The following EVL variants were observed in gnomAD, a reference collection of about 807,000 sequenced individuals.
EVL encodes the protein Enah/Vasp-like.
In EVL, 21 loss-of-function variants were observed where a neutral mutation model predicts 59.6. The observed-to-expected ratio is 0.35, with a 90% confidence interval of 0.25 to 0.51. The LOEUF is 0.51. EVL is among the 20% of genes least tolerant of loss of function. EVL has a pLI of 0.97. For synonymous variants in EVL, 198 were observed against 203.5 expected, an observed-to-expected ratio of 0.97 and a Z score of 0.23; for missense variants, 462 against 546.6, an observed-to-expected ratio of 0.85 and a Z score of 1.54.
chr14:100,103,084 G>C (rs1470980683), intron 3 of EVL, among the ~76,000 whole-genome samples: 2 of 134,394 alleles, frequency 1.5e-5, no homozygotes, highest in Non-Finnish European at 3.0e-5. Context: ...CCTGGCAACA[G>C]AGCAAGACTC....
intron 1 of EVL, among the ~76,000 whole-genome samples, chr14:100,048,262 T>C (rs2061587512): frequency 6.6e-6 from 1 of 152,196 alleles, no homozygotes; most frequent in Admixed American, 6.5e-5. Flanking sequence ...TACAAAGGGC[T>C]TGTCTTTGGA....
At chr14:100,111,735 G>A (rs1887008855) in intron 3 of EVL, among the ~76,000 whole-genome samples, 1 of 152,178 alleles carries the variant, frequency 6.6e-6, no homozygotes, top group African/African-American at 2.4e-5. Flanking sequence ...TTGGCTCCCT[G>A]AGATTGCAGG....
At chr14:100,004,103 C>T (rs555302014) in intron 1 of EVL, among the ~76,000 whole-genome samples, 1 of 152,310 alleles carries the variant, frequency 6.6e-6, no homozygotes, top group South Asian at 2.1e-4. Context: ...ACTTGGGAGG[C>T]TGAGGCACAA....
intron 1 of EVL, among the ~76,000 whole-genome samples, chr14:100,014,640 A>G (rs2061037981): frequency 6.6e-6 from 1 of 152,242 alleles, no homozygotes; most frequent in African/African-American, 2.4e-5. Context: ...TCTTTGGGGT[A>G]TATATCTAGC....
intron 1 of EVL, among the ~76,000 whole-genome samples, chr14:99,979,869 C>T (rs897486664): frequency 3.3e-5 from 5 of 151,934 alleles, no homozygotes; most frequent in African/African-American, 1.2e-4. Context: ...GACTCCGTCT[C>T]AAAAATAAAT....
At chr14:99,998,793 A>G (rs991275995) in intron 1 of EVL, among the ~76,000 whole-genome samples, 3 of 152,112 alleles carry the variant, frequency 2.0e-5, no homozygotes, top group Admixed American at 6.5e-5. Context: ...ATATCATTTG[A>G]TTCTCACAAA....
intron 1 of EVL, among the ~76,000 whole-genome samples, chr14:99,993,649 A>G (rs1458580814): frequency 1.9e-5 from 2 of 104,914 alleles, no homozygotes; most frequent in South Asian, 5.9e-4. Context: ...CAATTTCTTT[A>G]TTAATTATAA....
At chr14:99,999,892 CCT>C (rs1490474066) in intron 1 of EVL, among the ~76,000 whole-genome samples, 3 of 152,158 alleles carry the variant, frequency 2.0e-5, no homozygotes, top group Non-Finnish European at 2.9e-5. Flanking sequence ...TTGGGGAACC[CCT>C]GTTTTTCTCT....
chr14:100,005,354 T>C (rs1437052649), intron 1 of EVL, among the ~76,000 whole-genome samples: 4 of 152,186 alleles, frequency 2.6e-5, no homozygotes, highest in African/African-American at 9.6e-5. Context: ...TAAATTAATA[T>C]CAATATCTTA....
intron 8 of EVL, among the ~76,000 whole-genome samples, 177 bp downstream of exon 8, chr14:100,132,956 C>T (rs926213456): frequency 1.3e-5 from 2 of 152,230 alleles, no homozygotes; most frequent in African/African-American, 2.4e-5. Context: ...ACCCTGGCCC[C>T]AGCAGCAGGC....
chr14:100,014,236 T>A (rs185906356), intron 1 of EVL, among the ~76,000 whole-genome samples: 17 of 152,352 alleles, frequency 1.1e-4, no homozygotes, highest in Admixed American at 1.3e-4. Flanking sequence ...ACCATCATTC[T>A]ACTCTCTATT....
chr14:100,105,644 C>G (rs1245537364), intron 3 of EVL, among the ~76,000 whole-genome samples: 1 of 151,870 alleles, frequency 6.6e-6, no homozygotes, highest in Non-Finnish European at 1.5e-5. Flanking sequence ...AACTCATTTC[C>G]CTTTCTTGGA....
intron 1 of EVL, among the ~76,000 whole-genome samples, chr14:99,991,982 G>C (rs994088813): frequency 6.6e-6 from 1 of 151,768 alleles, no homozygotes; most frequent in Non-Finnish European, 1.5e-5. Context: ...GTGTGTGTGT[G>C]TGTGTGTGTG....
chr14:100,132,681 G>C, intron 7 of EVL, 38 bp from the exon 8 acceptor site: 1 of 1,609,414 alleles, frequency 6.2e-7, no homozygotes, highest in Non-Finnish European at 8.5e-7. Context: ...GAGAGAACGT[G>C]AGGAGCTGAT....
Position 100,109,731 on chromosome 14 carries a change from C to T in EVL, c.358+12073C>T. On this transcript the variant is annotated intron_variant, in intron 3 of 13. Transcript: ENST00000392920. The surrounding 1 kb of genome is among the most constrained non-coding windows in gnomAD (Gnocchi z 4.3). ...ATGGAATTGTCTCACACAGAAATCG[C>T]ACCCGTCACCTTGGCCTACTTATCA... 1 of 529,460 alleles carries T rather than the reference C, an allele frequency of 1.9e-6. No homozygotes were observed. The highest frequency in any genetic ancestry group is 1.4e-5 in the South Asian group (1 of 70,154). 32.8% of individuals were successfully genotyped at this position (529,460 alleles called of 1,614,324 possible).
rs1887839492 is a variant in EVL at position 100,123,621 on chromosome 14, G to A, written c.422+19G>A. 6.2e-7 allele frequency: 1 copy of A among 1,613,528 alleles called. No individual in the cohort carries two copies. Among genetic ancestry groups the A allele is most frequent in the Non-Finnish European group, 8.5e-7 (1 of 1,179,732 alleles). ...AGAGAAGGTAACCCAGCACCCGCAG[G>A]GGCCAGGCTGGTCATCTCCCAATCA... On this transcript the variant is annotated intron_variant, in intron 4 of 13. Coordinates refer to ENST00000392920, the MANE Select transcript of EVL (RefSeq NM_016337.3).
intron 3 of EVL, among the ~76,000 whole-genome samples, chr14:100,111,898 C>G (rs1337921541): frequency 6.6e-6 from 1 of 152,242 alleles, no homozygotes; most frequent in South Asian, 2.1e-4. Flanking sequence ...GCCCAGTGGA[C>G]CAGACTGCCT....
rs1190994 is a variant in EVL, at chr14:100,009,941, T to C, written c.5+37884T>C. Among the ~76,000 whole-genome samples the C allele has an allele frequency of 1.8e-3, 267 of 152,302 alleles. 4 individuals carry two copies. The East Asian group carries it at 0.046, about 26-fold the overall frequency. ...AAGACCTGGGATTAACGGAAAGGAA[T>C]GTTCAGGTTAAGATAAAGGATTGTG... is the stretch of plus-strand genomic sequence containing the variant. On this transcript the variant is annotated intron_variant, in intron 1 of 13. Transcript: ENST00000402714.
chr14:99,991,365 A>G (rs955570861), intron 1 of EVL, among the ~76,000 whole-genome samples: 8 of 152,240 alleles, frequency 5.3e-5, no homozygotes, highest in African/African-American at 1.9e-4. Flanking sequence ...AAAATAAAAT[A>G]TAAAAACTGT....
Sources: gnomAD v4.1 joint callset for allele counts (sites outside exome capture counted in the v4.1 genomes callset) on GRCh38, gnomAD v4.1.1 for gene constraint, Gnocchi (gnomAD v3.1) non-coding constraint, MANE v1.5 for transcripts, NCBI Gene and HGNC (gene_info 2026-07-23, HGNC 2026-07-21) for gene names.